The following DYM variants were observed in gnomAD, a reference collection of about 807,000 sequenced individuals.
The protein encoded by DYM is dyggve-Melchior-Clausen syndrome protein.
DYM carries 78 observed loss-of-function variants against 93.1 expected under a neutral mutation model. The observed-to-expected ratio is 0.84, with a 90% CI of 0.70 to 1.01. The LOEUF (loss-of-function observed/expected upper bound fraction) is 1.01, where lower values mean the gene tolerates loss of function less well. Among genes scored for constraint, DYM ranks in the 50% least tolerant of loss-of-function variants. The pLI is 0.00. For synonymous variants in DYM, 321 were observed against 319.7 expected (o/e 1.00, Z -0.04); for missense variants, 789 against 845.0 (o/e 0.93, Z 0.82).
chr18:49,217,445 A>G (rs1046451946), intron 13 of DYM, among the ~76,000 whole-genome samples: 10 of 152,142 alleles, frequency 6.6e-5, no homozygotes, highest in East Asian at 3.9e-4. Flanking sequence ...TCCAAGACAC[A>G]TAATTGTCAG....
intron 16 of DYM, among the ~76,000 whole-genome samples, chr18:49,101,249 T>G (rs1184305647): frequency 6.6e-6 from 1 of 152,222 alleles, no homozygotes; most frequent in Non-Finnish European, 1.5e-5. Flanking sequence ...TGGGGATGAA[T>G]GCTTTGTCAG....
rs1275910972 is a variant in DYM at position 49,301,663 on chromosome 18, T to C, written c.764-15047A>G. On this transcript the variant is annotated intron_variant, in intron 8 of 17. Transcript: ENST00000675505. ...AAATTGAAAAACTATCCCCAAAGCA[T>C]TCAATTCATTTCAACAAGCAGTTAA... Among the ~76,000 whole-genome samples the C allele has an allele frequency of 3.3e-5, 5 of 152,034 alleles. No homozygotes were observed. The South Asian group carries it at 8.3e-4, about 25-fold the overall frequency.
chr18:49,416,241 T>C (rs76641002), intron 2 of DYM, among the ~76,000 whole-genome samples: 13,947 of 152,186 alleles, frequency 0.092, 852 homozygotes, highest in East Asian at 0.31. Context: ...TGAATCTACA[T>C]GGTAGGGGTT....
chr18:49,450,644 T>C (rs559486268), intron 1 of DYM, among the ~76,000 whole-genome samples: 11 of 152,346 alleles, frequency 7.2e-5, no homozygotes, highest in Non-Finnish European at 1.3e-4. Context: ...TTATCTGACA[T>C]GTTTAGTCAC....
At chr18:49,074,451 G>C (rs992848986) in intron 17 of DYM, among the ~76,000 whole-genome samples, 1 of 152,098 alleles carries the variant, frequency 6.6e-6, no homozygotes, top group African/African-American at 2.4e-5. Flanking sequence ...TGGGGGTGGG[G>C]TCCTGGAACC....
intron 2 of DYM, among the ~76,000 whole-genome samples, chr18:49,392,761 TGAG>T (rs1259341478): frequency 7.2e-6 from 1 of 139,828 alleles, no homozygotes; most frequent in Non-Finnish European, 1.5e-5. Context: ...TTTGGGAGGC[TGAG>T]GAGGGCAGAT....
At chr18:49,372,967 T>G (rs1358721177) in intron 5 of DYM, among the ~76,000 whole-genome samples, 1 of 152,040 alleles carries the variant, frequency 6.6e-6, no homozygotes, top group African/African-American at 2.4e-5. Flanking sequence ...ACCCTTACAT[T>G]AGGTTACCTA....
intron 2 of DYM, among the ~76,000 whole-genome samples, chr18:49,426,159 A>G (rs753313122): frequency 1.3e-5 from 2 of 152,142 alleles, no homozygotes; most frequent in Admixed American, 6.5e-5. Flanking sequence ...ATGTCCATCG[A>G]TGATAGACTG....
intron 2 of DYM, among the ~76,000 whole-genome samples, chr18:49,409,522 G>C (rs2071956770): frequency 6.6e-6 from 1 of 152,078 alleles, no homozygotes; most frequent in Non-Finnish European, 1.5e-5. Flanking sequence ...GCTCATGAAT[G>C]ATGGAATAAA....
At chr18:49,116,954 A>G (rs1468378371) in intron 16 of DYM, among the ~76,000 whole-genome samples, 4 of 152,254 alleles carry the variant, frequency 2.6e-5, no homozygotes, top group Non-Finnish European at 5.9e-5. Context: ...AACAAGAAGG[A>G]CATGTGGCCA....
chr18:49,349,962 TA>T (rs1289703574), intron 6 of DYM, among the ~76,000 whole-genome samples: 1 of 152,000 alleles, frequency 6.6e-6, no homozygotes, highest in East Asian at 1.9e-4. Context: ...CAAAAAAATT[TA>T]AAAAAGGATC....
At chr18:49,268,767 T>C (rs1487930255) in intron 11 of DYM, among the ~76,000 whole-genome samples, 1 of 152,168 alleles carries the variant, frequency 6.6e-6, no homozygotes, top group Non-Finnish European at 1.5e-5. Context: ...ATGTTATACT[T>C]CAATTTTAAG....
At chr18:49,144,344 T>C (rs2084851977) in intron 15 of DYM, among the ~76,000 whole-genome samples, 1 of 152,072 alleles carries the variant, frequency 6.6e-6, no homozygotes, top group African/African-American at 2.4e-5. Flanking sequence ...TAGATGGTGG[T>C]GTGTTCTACA....
intron 2 of DYM, among the ~76,000 whole-genome samples, chr18:49,419,938 G>T (rs781201003): frequency 6.6e-6 from 1 of 152,000 alleles, no homozygotes; most frequent in African/African-American, 2.4e-5. Context: ...CCTCTAAGTC[G>T]TATCACTATC....
At chr18:49,268,303 G>A (rs1324635848) in intron 11 of DYM, among the ~76,000 whole-genome samples, 2 of 152,006 alleles carry the variant, frequency 1.3e-5, no homozygotes, top group African/African-American at 2.4e-5. Context: ...AAAATAAATC[G>A]AGATCAACAA....
At chr18:49,425,557 A>G (rs1283538670) in intron 2 of DYM, among the ~76,000 whole-genome samples, 1 of 152,092 alleles carries the variant, frequency 6.6e-6, no homozygotes, top group Non-Finnish European at 1.5e-5. Context: ...ATCTAATTCA[A>G]CTAAAGAGCT....
At chr18:49,404,883 G>T (rs760352243) in intron 2 of DYM, among the ~76,000 whole-genome samples, 1 of 151,876 alleles carries the variant, frequency 6.6e-6, no homozygotes, top group Non-Finnish European at 1.5e-5. Context: ...CATGGTGGTG[G>T]GCACCTGTAA....
chr18:49,052,537 T>C (rs1041386868), intron 17 of DYM, among the ~76,000 whole-genome samples: 1 of 152,252 alleles, frequency 6.6e-6, no homozygotes, highest in Non-Finnish European at 1.5e-5. Context: ...CTTTCCTTTA[T>C]GTCCCTTTGT....
chr18:49,270,651 T>C (rs983367006), intron 11 of DYM, among the ~76,000 whole-genome samples: 2 of 152,184 alleles, frequency 1.3e-5, no homozygotes, highest in African/African-American at 4.8e-5. Context: ...CATTTCTCTA[T>C]GTACATGTAT....
Sources: gnomAD v4.1 joint callset for allele counts (sites outside exome capture counted in the v4.1 genomes callset) on GRCh38, gnomAD v4.1.1 for gene constraint, MANE v1.5 for transcripts, NCBI Gene and HGNC (gene_info 2026-07-23, HGNC 2026-07-21) for gene names.